CRPPA: variants seen among roughly 807,000 people sequenced by gnomAD.
The protein encoded by CRPPA is D-ribitol-5-phosphate cytidylyltransferase.
A neutral mutation model predicts 52.0 loss-of-function variants in CRPPA; 43 were observed. That is an observed-to-expected ratio of 0.83 (90% CI 0.65 to 1.07). The LOEUF (loss-of-function observed/expected upper bound fraction) is 1.07. Ranked by LOEUF, CRPPA falls within the 50% of genes least tolerant of loss-of-function variation. The pLI is 0.00. For synonymous variants in CRPPA, 250 were observed against 203.5 expected (o/e 1.23, Z -1.94); for missense variants, 629 against 551.7 (o/e 1.14, Z -1.40).
chr7:16,353,451 G>GTTA (rs1324059829), intron 3 of CRPPA, among the ~76,000 whole-genome samples: 2 of 152,154 alleles, frequency 1.3e-5, no homozygotes, highest in Non-Finnish European at 2.9e-5. Context: ...TGGTCAAAGG[G>GTTA]TATAAAGTTT....
At chr7:16,185,839 A>G (rs1028778452) in intron 9 of CRPPA, among the ~76,000 whole-genome samples, 3 of 152,204 alleles carry the variant, frequency 2.0e-5, no homozygotes, top group Admixed American at 2.0e-4. Context: ...ATAGTGACTT[A>G]CCTATGATAG....
chr7:16,130,469 A>C (rs59037948), intron 9 of CRPPA, among the ~76,000 whole-genome samples: 2 of 152,178 alleles, frequency 1.3e-5, no homozygotes, highest in Non-Finnish European at 2.9e-5. Flanking sequence ...ACAGAATTAA[A>C]CAATAAAAGG....
rs146487328 is a variant in CRPPA at position 16,244,963 on chromosome 7, C to G, written c.1119+13427G>C. Among the ~76,000 whole-genome samples, 64 of 152,042 alleles carry G rather than the reference C, an allele frequency of 4.2e-4. No homozygotes were observed. The East Asian group carries it at 0.012, about 29-fold the overall frequency. On this transcript the variant is annotated intron_variant, in intron 8 of 9. Coordinates refer to ENST00000407010, the MANE Select transcript of CRPPA (RefSeq NM_001101426.4). ...TAATATATTTTCTGATGAATAAAAC[C>G]TACTTGTTTAGGGAAGCAAGTGATC...
At chr7:16,103,694 C>A (rs1782094216) in intron 9 of CRPPA, among the ~76,000 whole-genome samples, 1 of 152,084 alleles carries the variant, frequency 6.6e-6, no homozygotes, top group African/African-American at 2.4e-5. Flanking sequence ...GACAATGAGG[C>A]AGGCATTCTC....
intron 9 of CRPPA, among the ~76,000 whole-genome samples, chr7:16,212,589 G>A (rs1390434510): frequency 6.6e-6 from 1 of 152,168 alleles, no homozygotes; most frequent in Admixed American, 6.5e-5. Context: ...GGTGAAGTTT[G>A]TGGTCACATA....
At chr7:16,165,026 T>C (rs1466945527) in intron 9 of CRPPA, among the ~76,000 whole-genome samples, 2 of 151,982 alleles carry the variant, frequency 1.3e-5, no homozygotes, top group African/African-American at 4.8e-5. Flanking sequence ...AGCTCAAGCA[T>C]TGTGCTGGGA....
chr7:16,152,986 AT>A, intron 9 of CRPPA, among the ~76,000 whole-genome samples: 1 of 152,154 alleles, frequency 6.6e-6, no homozygotes, highest in Admixed American at 6.5e-5. Flanking sequence ...TACTCTGCAT[AT>A]TATGATTAGC....
chr7:16,109,246 C>T (rs1291586586), intron 9 of CRPPA, among the ~76,000 whole-genome samples: 4 of 151,536 alleles, frequency 2.6e-5, no homozygotes, highest in Admixed American at 1.3e-4. Context: ...ACTGATAACA[C>T]AAAAATACAA....
intron 9 of CRPPA, among the ~76,000 whole-genome samples, chr7:16,139,722 C>T (rs575063682): frequency 2.1e-4 from 32 of 152,118 alleles, no homozygotes; most frequent in African/African-American, 7.5e-4. Context: ...CAAGAAAAAT[C>T]GATCAATAAA....
chr7:16,160,998 T>C (rs1783291932), intron 9 of CRPPA, among the ~76,000 whole-genome samples: 1 of 152,218 alleles, frequency 6.6e-6, no homozygotes, highest in African/African-American at 2.4e-5. Context: ...CTTGTGATTT[T>C]TGCACATTGA....
chr7:16,118,547 T>C (rs1386088332), intron 9 of CRPPA, among the ~76,000 whole-genome samples: 1 of 152,174 alleles, frequency 6.6e-6, no homozygotes, highest in Non-Finnish European at 1.5e-5. Context: ...CCAATCCCAG[T>C]GTGTAGCCTG....
rs1422245065 is a variant in CRPPA, at chr7:16,390,503, G to A, written c.535-14262C>T. 2.6e-5 allele frequency among the ~76,000 whole-genome samples: 4 copies of A among 152,044 alleles called. No homozygotes were observed. In the East Asian group the frequency reaches 5.8e-4, roughly 22 times the overall value. On this transcript the variant is annotated intron_variant, in intron 2 of 9. Transcript: ENST00000407010. Reference sequence around the variant, plus strand: ...CCAATTAATAGTTCTTAGTCTTCTTGAGTGTTTGTTCACTTAGTTTTCAGA... The same window carrying A: ...CCAATTAATAGTTCTTAGTCTTCTTAAGTGTTTGTTCACTTAGTTTTCAGA...
intron 3 of CRPPA, among the ~76,000 whole-genome samples, chr7:16,344,932 A>G (rs527913741): frequency 2.6e-5 from 4 of 152,280 alleles, no homozygotes; most frequent in African/African-American, 2.4e-5. Context: ...AAGGAGCAGA[A>G]ATAATTTTTG....
rs757914681 is a variant in CRPPA, at chr7:16,132,207, T to C, written c.1252-40408A>G. On this transcript the variant is annotated intron_variant, in intron 9 of 9. Transcript: ENST00000407010. The stretch of plus-strand genomic sequence containing the variant: ...ATTTGCCTTAGGTTTTGAACTTACA[T>C]AGGACTGGTTACTCCTTTCTTCTTT... Among the ~76,000 whole-genome samples, 12 of 64,350 alleles carry C rather than the reference T, an allele frequency of 1.9e-4. 3 individuals are homozygous for C. In the South Asian group the frequency reaches 3.8e-3, roughly 20 times the overall value. The allele number at this position is 64,350 out of a possible 152,430, so 42.2% of individuals were successfully genotyped here. A position where few individuals can be genotyped will look rare whatever the true frequency, so the allele number is the denominator to read the frequency against.
rs1482610094 is a variant in CRPPA at position 16,133,441 on chromosome 7, A to C, written c.1252-41642T>G. On this transcript the variant is annotated intron_variant, in intron 9 of 9. Coordinates refer to ENST00000407010, the MANE Select transcript of CRPPA (RefSeq NM_001101426.4). ...ATAGTATTAAGCTACAACTGCATAA[A>C]ATTAAGTGTAATACATAGTATACTA... Among the ~76,000 whole-genome samples the C allele has an allele frequency of 4.0e-5, 5 of 125,118 alleles. 2 individuals carry two copies. The highest frequency in any genetic ancestry group is 9.1e-5 in the Non-Finnish European group (5 of 54,906). The allele number at this position is 125,118 out of a possible 152,430, so 82.1% of individuals were successfully genotyped here. A position where few individuals can be genotyped will look rare whatever the true frequency, so the allele number is the denominator to read the frequency against.
chr7:16,192,349 A>G (rs1781632702), intron 9 of CRPPA, among the ~76,000 whole-genome samples: 1 of 152,094 alleles, frequency 6.6e-6, no homozygotes, highest in Admixed American at 6.6e-5. Context: ...TGTAAAACAC[A>G]ATGTTAGCGA....
At chr7:16,367,511 G>C (rs1203332086) in intron 3 of CRPPA, among the ~76,000 whole-genome samples, 1 of 151,726 alleles carries the variant, frequency 6.6e-6, no homozygotes, top group African/African-American at 2.4e-5. Context: ...CTTGTTGACA[G>C]TACGAGATAC....
intron 9 of CRPPA, among the ~76,000 whole-genome samples, chr7:16,191,983 C>A (rs940845380): frequency 6.6e-6 from 1 of 152,078 alleles, no homozygotes; most frequent in Non-Finnish European, 1.5e-5. Context: ...CAATGCCTGG[C>A]ATAGTGAATT....
intron 6 of CRPPA, among the ~76,000 whole-genome samples, chr7:16,273,482 G>C (rs554369394): frequency 9.2e-5 from 14 of 152,038 alleles, no homozygotes; most frequent in Non-Finnish European, 1.6e-4. Flanking sequence ...TTGACGGTAG[G>C]ACCACAGAGA....
Sources: allele counts gnomAD v4.1 joint callset (sites outside exome capture counted in the v4.1 genomes callset), GRCh38; gene constraint gnomAD v4.1.1; transcripts MANE v1.5; gene names NCBI Gene and HGNC (gene_info 2026-07-23, HGNC 2026-07-21).